RPTOR: variants seen among roughly 807,000 people sequenced by gnomAD.
RPTOR encodes the protein regulatory-associated protein of mTOR.
A neutral mutation model predicts 169.9 loss-of-function variants in RPTOR; 21 were observed. The observed-to-expected ratio is 0.12, with a 90% CI of 0.09 to 0.18. The LOEUF is 0.18. Among genes scored for constraint, RPTOR ranks in the 10% least tolerant of loss-of-function variants. The pLI is 1.00. For missense variants in RPTOR, 1,133 were observed against 1,855.9 expected (o/e 0.61, Z 7.16); for synonymous variants, 732 against 753.2 (o/e 0.97, Z 0.46).
chr17:80,837,380 C>A (rs1390940907), intron 9 of RPTOR, among the ~76,000 whole-genome samples: 1 of 152,130 alleles, frequency 6.6e-6, no homozygotes, highest in East Asian at 1.9e-4. Context: ...CAGGGAGGGG[C>A]CTGACGGCAC....
At chr17:80,622,165 G>A (rs1470169470) in intron 1 of RPTOR, among the ~76,000 whole-genome samples, 2 of 152,220 alleles carry the variant, frequency 1.3e-5, no homozygotes, top group Non-Finnish European at 2.9e-5. Flanking sequence ...TGTAGGCAAA[G>A]CCAGCCTCTT....
chr17:80,777,360 A>G (rs956571844), intron 6 of RPTOR, among the ~76,000 whole-genome samples: 1 of 152,168 alleles, frequency 6.6e-6, no homozygotes, highest in South Asian at 2.1e-4. Context: ...TTTACGGATA[A>G]TTTTAGATAT....
intron 24 of RPTOR, among the ~76,000 whole-genome samples, chr17:80,926,256 G>C (rs1376197630): frequency 3.3e-5 from 5 of 152,198 alleles, no homozygotes; most frequent in Non-Finnish European, 5.9e-5. Context: ...GCTGATTTCT[G>C]TTCATAAAAA....
At chr17:80,932,321 C>T (rs926694575) in intron 24 of RPTOR, among the ~76,000 whole-genome samples, 10 of 151,962 alleles carry the variant, frequency 6.6e-5, no homozygotes, top group African/African-American at 2.2e-4. Flanking sequence ...GCCTTGGCAA[C>T]GCAGCAAGAC....
intron 9 of RPTOR, among the ~76,000 whole-genome samples, chr17:80,837,321 C>G (rs2067575109): frequency 6.6e-6 from 1 of 152,090 alleles, no homozygotes; most frequent in African/African-American, 2.4e-5. Context: ...ACTGACTGAG[C>G]AGGTGGCTGT....
intron 1 of RPTOR, among the ~76,000 whole-genome samples, chr17:80,566,748 C>G (rs1215082213): frequency 7.1e-6 from 1 of 140,480 alleles, no homozygotes; most frequent in Non-Finnish European, 1.5e-5. Context: ...GGCGTGAACC[C>G]GGGAGGCGGA....
chr17:80,666,940 T>C (rs1450390224), intron 3 of RPTOR, among the ~76,000 whole-genome samples: 3 of 152,160 alleles, frequency 2.0e-5, no homozygotes, highest in African/African-American at 7.2e-5. Flanking sequence ...CAGAGAAGGC[T>C]TTATAGTCCA....
intron 1 of RPTOR, among the ~76,000 whole-genome samples, chr17:80,584,685 G>T (rs62068276): frequency 6.6e-6 from 1 of 152,080 alleles, no homozygotes; most frequent in Non-Finnish European, 1.5e-5. Context: ...CTGGCCCACC[G>T]CAGAATTCAG....
intron 6 of RPTOR, among the ~76,000 whole-genome samples, chr17:80,755,864 G>T (rs547327274): frequency 6.6e-6 from 1 of 152,196 alleles, no homozygotes; most frequent in South Asian, 2.1e-4. Context: ...GGCTGATGCA[G>T]ACTTAGCCTG....
At chr17:80,572,409 T>C (rs937229596) in intron 1 of RPTOR, among the ~76,000 whole-genome samples, 12 of 119,174 alleles carry the variant, frequency 1.0e-4, no homozygotes, top group African/African-American at 3.6e-4. Context: ...TTTTCTTCTT[T>C]TTTTTAAAAA....
chr17:80,629,121 A>G (rs917328143), intron 2 of RPTOR, among the ~76,000 whole-genome samples: 1 of 147,686 alleles, frequency 6.8e-6, no homozygotes, highest in Non-Finnish European at 1.5e-5. Flanking sequence ...TCAGCTCTCT[A>G]TGTATTGTGC....
intron 6 of RPTOR, among the ~76,000 whole-genome samples, chr17:80,759,681 T>A (rs1419834009): frequency 6.7e-6 from 1 of 149,034 alleles, no homozygotes; most frequent in African/African-American, 2.5e-5. Context: ...CCACCAGGGT[T>A]TTTTTTTTTA....
chr17:80,881,571 C>T (rs756195137), intron 14 of RPTOR, among the ~76,000 whole-genome samples: 2 of 152,220 alleles, frequency 1.3e-5, no homozygotes, highest in South Asian at 2.1e-4. Flanking sequence ...GTAATCCCAG[C>T]GCTTTGGGAG....
intron 13 of RPTOR, among the ~76,000 whole-genome samples, chr17:80,872,130 G>A (rs748658782): frequency 2.6e-4 from 39 of 152,232 alleles, no homozygotes; most frequent in Non-Finnish European, 4.3e-4. Flanking sequence ...TGAAGCTGGC[G>A]TCTTCCACAG....
rs184750485 is a variant in RPTOR, at chr17:80,768,322, G to T, written c.830+14137G>T. ...ATCTCACTTGGGGTCTCAGTAGGCC[G>T]CTTAGTGAGTCCCAAAGACTTTTGT... On this transcript the variant is annotated intron_variant, in intron 6 of 33. Coordinates refer to ENST00000306801, the MANE Select transcript of RPTOR (RefSeq NM_020761.3). Among the ~76,000 whole-genome samples the T allele has an allele frequency of 1.1e-3, 165 of 152,256 alleles. 1 individual carries two copies. Among genetic ancestry groups the T allele is most frequent in the Admixed American group, 1.9e-3 (29 of 15,300 alleles).
intron 5 of RPTOR, among the ~76,000 whole-genome samples, chr17:80,744,431 A>T (rs202102602): frequency 0.017 from 219 of 13,212 alleles, no homozygotes; most frequent in East Asian, 0.049. Flanking sequence ...CTACTAGCAC[A>T]GCCCTGGCTA....
intron 6 of RPTOR, among the ~76,000 whole-genome samples, chr17:80,790,822 C>T (rs965697363): frequency 2.0e-4 from 30 of 152,206 alleles, no homozygotes; most frequent in African/African-American, 7.2e-4. Context: ...TACTGCATTG[C>T]CTTTTTACTC....
intron 13 of RPTOR, among the ~76,000 whole-genome samples, chr17:80,862,999 G>A (rs1486108395): frequency 6.6e-6 from 1 of 152,214 alleles, no homozygotes; most frequent in Non-Finnish European, 1.5e-5. Context: ...GCGAGCCTGG[G>A]ACCTCCCCTC....
intron 25 of RPTOR, 114 bp from the exon 26 acceptor site, chr17:80,945,553 C>T: frequency 3.4e-6 from 2 of 585,392 alleles, no homozygotes; most frequent in Non-Finnish European, 5.9e-6. Context: ...GATTGCACCA[C>T]TGCACTCCAG....
Sources: allele counts gnomAD v4.1 joint callset (sites outside exome capture counted in the v4.1 genomes callset), GRCh38; gene constraint gnomAD v4.1.1; transcripts MANE v1.5; gene names NCBI Gene and HGNC (gene_info 2026-07-23, HGNC 2026-07-21).